Variants in RNF180 observed in about 807,000 individuals in gnomAD.
The protein encoded by RNF180 is E3 ubiquitin-protein ligase RNF180.
A neutral mutation model predicts 59.2 loss-of-function variants in RNF180; 38 were observed. The observed-to-expected ratio is 0.64, with a 90% CI of 0.50 to 0.84. The LOEUF is 0.84. Among genes scored for constraint, RNF180 ranks in the 40% least tolerant of loss-of-function variants. The probability of loss-of-function intolerance (pLI) is 0.00; values close to 1 mark genes in which losing one functional copy is unlikely to be tolerated. For synonymous variants in RNF180, 262 were observed against 240.3 expected, an observed-to-expected ratio of 1.09 and a Z score of -0.84; for missense variants, 705 against 700.9, an observed-to-expected ratio of 1.01 and a Z score of -0.07.
chr5:64,167,583 C>T (rs1379320039), intron 1 of RNF180, among the ~76,000 whole-genome samples: 2 of 152,092 alleles, frequency 1.3e-5, no homozygotes, highest in African/African-American at 2.4e-5. Context: ...TAATAAGCAC[C>T]TCATACATGA....
At chr5:64,312,710 A>G (rs1204233721) in intron 5 of RNF180, among the ~76,000 whole-genome samples, 1 of 152,122 alleles carries the variant, frequency 6.6e-6, no homozygotes, top group African/African-American at 2.4e-5. Flanking sequence ...ACACAGGAAC[A>G]GGAGTAGGTG....
intron 7 of RNF180, among the ~76,000 whole-genome samples, chr5:64,333,239 G>A (rs1431861463): frequency 2.6e-5 from 4 of 151,962 alleles, no homozygotes; most frequent in East Asian, 1.9e-4. Flanking sequence ...GTGTAGTGGC[G>A]CAATCTCAGC....
In RNF180 at chr5:64,369,652, G is replaced by T; in HGVS notation, c.1617G>T (p.Gln539His). 5 of 1,533,446 alleles carry T rather than the reference G, an allele frequency of 3.3e-6. No homozygotes were observed. The highest frequency in any genetic ancestry group is 4.4e-6 in the Non-Finnish European group (5 of 1,141,064). The allele number at this position is 1,533,446 out of a possible 1,614,324, so 95.0% of individuals were successfully genotyped here. Residue 539 changes from glutamine (Q) to histidine (H), a missense_variant, in exon 8 of 8, where the codon CAG becomes CAT. Coordinates refer to ENST00000389100, the MANE Select transcript of RNF180 (RefSeq NM_001113561.2). Reference protein sequence around the residue: ...RRHAAPVTRRQFPHGAHRMDY... With the variant: ...RRHAAPVTRRHFPHGAHRMDY... ...ATGCAGCTCCAGTTACAAGAAGGCA[G>T]TTCCCACACGGTGCACACAGGATGG... is the stretch of plus-strand genomic sequence containing the variant.
chr5:64,278,383 G>T (rs1280066142), intron 5 of RNF180, among the ~76,000 whole-genome samples: 4 of 152,144 alleles, frequency 2.6e-5, no homozygotes, highest in Non-Finnish European at 5.9e-5. Context: ...CAGACAGCAA[G>T]CTCTTCCAGA....
intron 1 of RNF180, among the ~76,000 whole-genome samples, chr5:64,197,285 A>G (rs79385994): frequency 0.022 from 3,355 of 152,338 alleles, 123 homozygotes; most frequent in African/African-American, 0.076. Context: ...TAAGATTTTC[A>G]AAAACAACAC....
chr5:64,310,497 T>C (rs905796005), intron 5 of RNF180, among the ~76,000 whole-genome samples: 3 of 150,670 alleles, frequency 2.0e-5, no homozygotes, highest in African/African-American at 7.3e-5. Context: ...GTTTTTGTTA[T>C]GACTGCAAAA....
chr5:64,264,611 T>G lies in RNF180; in HGVS notation c.1227+47215T>G, dbSNP rs141348211. Among the ~76,000 whole-genome samples, 522 of 152,366 alleles carry G rather than the reference T, an allele frequency of 3.4e-3. 1 individual carries two copies. The highest frequency in any genetic ancestry group is 0.011 in the African/African-American group (474 of 41,590). On this transcript the variant is annotated intron_variant, in intron 5 of 7. Coordinates refer to ENST00000389100, the MANE Select transcript of RNF180 (RefSeq NM_001113561.2). ...TTCCATGGTGTATATGTGCCACATT[T>G]ACTTTATCCAGTCTATCATTGATGG... is the stretch of plus-strand genomic sequence containing the variant.
chr5:64,185,342 TATG>T (rs1164745374), intron 1 of RNF180, among the ~76,000 whole-genome samples: 18 of 152,214 alleles, frequency 1.2e-4, no homozygotes, highest in Non-Finnish European at 2.2e-4. Flanking sequence ...TAAAAATAAA[TATG>T]ATAATTCATT....
intron 6 of RNF180, among the ~76,000 whole-genome samples, chr5:64,328,761 A>C (rs1033941480): frequency 6.6e-6 from 1 of 152,246 alleles, no homozygotes; most frequent in South Asian, 2.1e-4. Flanking sequence ...CAAGGCAGTG[A>C]TTAAGAAAAA....
At chr5:64,229,481 G>C (rs570733831) in intron 5 of RNF180, among the ~76,000 whole-genome samples, 2 of 152,146 alleles carry the variant, frequency 1.3e-5, no homozygotes, top group African/African-American at 4.8e-5. Context: ...AACCAAAAAC[G>C]TAAGAGATTT....
At chr5:64,247,806 T>C (rs1279814936) in intron 5 of RNF180, among the ~76,000 whole-genome samples, 1 of 152,060 alleles carries the variant, frequency 6.6e-6, no homozygotes, top group African/African-American at 2.4e-5. Flanking sequence ...TCCAAGACAA[T>C]CCTAAGCGAA....
chr5:64,324,741 C>T (rs866124879), intron 5 of RNF180, among the ~76,000 whole-genome samples: 3 of 152,148 alleles, frequency 2.0e-5, no homozygotes, highest in African/African-American at 7.2e-5. Context: ...ATGTTCCACA[C>T]GCAGTATGAG....
chr5:64,357,988 G>A (rs2112597850), intron 7 of RNF180, among the ~76,000 whole-genome samples: 1 of 151,940 alleles, frequency 6.6e-6, no homozygotes, highest in African/African-American at 2.4e-5. Flanking sequence ...TCACCACAGT[G>A]AATTTCTCCA....
chr5:64,324,465 A>C (rs1744530371), intron 5 of RNF180, among the ~76,000 whole-genome samples: 1 of 152,262 alleles, frequency 6.6e-6, no homozygotes, highest in Admixed American at 6.5e-5. Context: ...AACTCCACAC[A>C]GACAGCAGCC....
At chr5:64,192,415 T>C (rs1321180351) in intron 1 of RNF180, among the ~76,000 whole-genome samples, 3 of 152,174 alleles carry the variant, frequency 2.0e-5, no homozygotes, top group Non-Finnish European at 4.4e-5. Context: ...GGCTCACTCC[T>C]GTAATCCCAG....
chr5:64,248,524 A>T (rs183286918), intron 5 of RNF180, among the ~76,000 whole-genome samples: 27 of 152,364 alleles, frequency 1.8e-4, no homozygotes, highest in African/African-American at 5.8e-4. Flanking sequence ...CATCACGGTC[A>T]TTAGAGAAAT....
At chr5:64,202,119 A>T (rs1019503954) in intron 2 of RNF180, among the ~76,000 whole-genome samples, 4 of 152,230 alleles carry the variant, frequency 2.6e-5, no homozygotes, top group Non-Finnish European at 4.4e-5. Context: ...GAATCAGATC[A>T]AGATATGCAT....
At chr5:64,363,283 A>T (rs1280726915) in intron 7 of RNF180, among the ~76,000 whole-genome samples, 1 of 151,822 alleles carries the variant, frequency 6.6e-6, no homozygotes, top group African/African-American at 2.4e-5. Flanking sequence ...TGGTGTAAGT[A>T]AGGGGTCCAC....
rs536203477 is a variant in RNF180 at position 64,306,977 on chromosome 5, TAATAA to T, written c.1228-18201_1228-18197del. 4.2e-3 allele frequency among the ~76,000 whole-genome samples: 615 copies of T among 147,846 alleles called. 3 individuals carry two copies. Among genetic ancestry groups the T allele is most frequent in the African/African-American group, 0.015 (591 of 40,314 alleles). ...TACCCTAAAACTTAAAGTATAATAA[TAATAA>T]AATAAAAAATAAAAAAATAAAAATA... is the stretch of plus-strand genomic sequence containing the variant. On this transcript the variant is annotated intron_variant, in intron 5 of 7. Coordinates refer to ENST00000389100, the MANE Select transcript of RNF180 (RefSeq NM_001113561.2).
Sources: gnomAD v4.1 joint callset for allele counts (sites outside exome capture counted in the v4.1 genomes callset) on GRCh38, gnomAD v4.1.1 for gene constraint, MANE v1.5 for transcripts, NCBI Gene and HGNC (gene_info 2026-07-23, HGNC 2026-07-21) for gene names.